The following TBX4 variants were observed in gnomAD, a reference collection of about 807,000 sequenced individuals.
The protein encoded by TBX4 is T-box transcription factor TBX4.
TBX4 carries 13 observed loss-of-function variants against 54.6 expected under a neutral mutation model. The observed-to-expected ratio is 0.24, with a 90% confidence interval of 0.15 to 0.38. The LOEUF is 0.38. TBX4 is among the 10% of genes least tolerant of loss of function. The probability of loss-of-function intolerance (pLI) is 1.00; values close to 1 mark genes in which losing one functional copy is unlikely to be tolerated. For synonymous variants in TBX4, 314 were observed against 306.7 expected (o/e 1.02, Z -0.25); for missense variants, 631 against 728.5 (o/e 0.87, Z 1.54).
At chr17:61,469,372 G>C (rs917649182) in intron 5 of TBX4, among the ~76,000 whole-genome samples, 1 of 152,218 alleles carries the variant, frequency 6.6e-6, no homozygotes, top group African/African-American at 2.4e-5. Flanking sequence ...GAGGCTGCTT[G>C]ATGGGCTTGT....
At position 61,480,268 on chromosome 17, in the gene TBX4, T is replaced by C. The variant is rs765917350; in HGVS notation, c.970T>C (p.Phe324Leu). Reference protein sequence around the residue: ...AEPQDLPLSTFPTQRDSSLFY... With the variant: ...AEPQDLPLSTLPTQRDSSLFY... ...GCCGCAGGACCTGCCCCTCAGCACC[T>C]TTCCCACCCAGAGGGACTCAAGCCT... Residue 324 changes from phenylalanine (F) to leucine (L), a missense_variant, in exon 8 of 9, where the codon TTT (phenylalanine) becomes CTT (leucine). Coordinates refer to ENST00000644296, the MANE Select transcript of TBX4 (RefSeq NM_001321120.2). The surrounding 1 kb of genome is among the most constrained non-coding windows in gnomAD (Gnocchi z 6.2). 1.2e-6 allele frequency: 2 copies of C among 1,613,966 alleles called. No homozygotes were observed. The highest frequency in any genetic ancestry group is 1.7e-6 in the Non-Finnish European group (2 of 1,179,990).
chr17:61,468,538 GTCCCAGCTCTGAAGCATAGT>G, intron 5 of TBX4, among the ~76,000 whole-genome samples: 1 of 152,250 alleles, frequency 6.6e-6, no homozygotes, highest in Middle Eastern at 3.4e-3. Context: ...CCGCTTTTAC[GTCCCAGCTCTGAAGCATAGT>G]TCCTATGGAA....
chr17:61,468,924 A>G (rs1453621634), intron 5 of TBX4, among the ~76,000 whole-genome samples: 2 of 151,960 alleles, frequency 1.3e-5, no homozygotes, highest in Admixed American at 6.6e-5. Flanking sequence ...CCAACTTCCT[A>G]TGCTTGGCCA....
chr17:61,477,438 C>T (rs919951279), intron 5 of TBX4, among the ~76,000 whole-genome samples: 1 of 152,236 alleles, frequency 6.6e-6, no homozygotes, highest in African/African-American at 2.4e-5. Flanking sequence ...CCGCCTCCCC[C>T]AGCCCACGGC....
rs1283893053 is a variant in TBX4 at position 61,481,940 on chromosome 17, T to C, written c.1022-957T>C. The C allele has an allele frequency of 6.6e-6, 1 of 152,268 alleles. No homozygotes were observed. Among genetic ancestry groups the C allele is most frequent in the Admixed American group, 6.5e-5 (1 of 15,292 alleles). 9.4% of individuals were successfully genotyped at this position (152,268 alleles called of 1,614,324 possible). ...TGCCACCATGCCCAGCTAATATTTGTATTTTTAGTAGAGATGGGGTTTCAC... is the reference window on the plus strand; with the variant it reads ...TGCCACCATGCCCAGCTAATATTTGCATTTTTAGTAGAGATGGGGTTTCAC... On this transcript the variant is annotated intron_variant, in intron 8 of 8. Transcript: ENST00000644296. The surrounding 1 kb of genome is among the most constrained non-coding windows in gnomAD (Gnocchi z 4.8).
rs1469933731 is a variant in TBX4 at position 61,464,630 on chromosome 17, G to A, written c.282-1189G>A. Among the ~76,000 whole-genome samples, 3 of 152,166 alleles carry A rather than the reference G, an allele frequency of 2.0e-5. No homozygotes were observed. Among genetic ancestry groups the A allele is most frequent in the African/African-American group, 7.2e-5 (3 of 41,428 alleles). On this transcript the variant is annotated intron_variant, in intron 3 of 8. Coordinates refer to ENST00000644296, the MANE Select transcript of TBX4 (RefSeq NM_001321120.2). The surrounding 1 kb of genome is among the most constrained non-coding windows in gnomAD (Gnocchi z 5.8). Reference sequence around the variant, plus strand: ...TAGGTTTGGATCCTGTTTCTCTTGGGGAACACCTTTGTGGAAGATCAGCTG... The same window carrying A: ...TAGGTTTGGATCCTGTTTCTCTTGGAGAACACCTTTGTGGAAGATCAGCTG...
In TBX4 at chr17:61,483,440, C is replaced by G. The variant is rs1423382385; in HGVS notation, c.1565C>G (p.Thr522Ser). The G allele has an allele frequency of 6.2e-6, 10 of 1,614,092 alleles. No homozygotes were observed. Among genetic ancestry groups the G allele is most frequent in the Admixed American group, 3.3e-5 (2 of 60,004 alleles). The change falls in exon 9 of 9, where the codon ACC becomes AGC. Residue 522 changes from threonine (T) to serine (S), a missense_variant. Coordinates refer to ENST00000644296, the MANE Select transcript of TBX4 (RefSeq NM_001321120.2). The surrounding 1 kb of genome is among the most constrained non-coding windows in gnomAD (Gnocchi z 6.6). Reference sequence around the variant, plus strand: ...GCCAATGAGTTTCTCTACTCTCAAACCTTCTCCTTGTCCCGAGAATCTTCC... The same window carrying G: ...GCCAATGAGTTTCTCTACTCTCAAAGCTTCTCCTTGTCCCGAGAATCTTCC... ...NAANEFLYSQTFSLSRESSLQ... is the reference protein window; with the variant it reads ...NAANEFLYSQSFSLSRESSLQ...
At chr17:61,453,330 A>T (rs941271368) in intron 1 of TBX4, among the ~76,000 whole-genome samples, 2 of 152,204 alleles carry the variant, frequency 1.3e-5, no homozygotes, top group African/African-American at 4.8e-5. Context: ...AACTGTAGGA[A>T]ACTAGCAAAC....
rs961056397 is a variant in TBX4 at position 61,472,849 on chromosome 17, C to T, written c.549+5192C>T. 6.6e-6 allele frequency among the ~76,000 whole-genome samples: 1 copy of T among 151,644 alleles called. No individual in the cohort carries two copies. The highest frequency in any genetic ancestry group is 1.5e-5 in the Non-Finnish European group (1 of 68,000). ...CCCAGCATCACTAATTGAGTTGTCC[C>T]CTTTCCTCCCCTGGTTGAGGTGCCT... On this transcript the variant is annotated intron_variant, in intron 5 of 8. Transcript: ENST00000644296. The surrounding 1 kb of genome is among the most constrained non-coding windows in gnomAD (Gnocchi z 4.5).
chr17:61,477,384 G>C (rs575655554), intron 5 of TBX4, among the ~76,000 whole-genome samples: 1 of 152,232 alleles, frequency 6.6e-6, no homozygotes, highest in African/African-American at 2.4e-5. Context: ...TCTGGCAGCC[G>C]CGCCTCCAGG....
intron 8 of TBX4, among the ~76,000 whole-genome samples, chr17:61,482,312 C>A (rs2060668688): frequency 6.6e-6 from 1 of 152,220 alleles, no homozygotes. Flanking sequence ...TTGGTAGACA[C>A]TGTGGTGTTG....
At position 61,461,870 on chromosome 17, in the gene TBX4, C is replaced by G. The variant is rs1036365288; in HGVS notation, c.282-3949C>G. Among the ~76,000 whole-genome samples the G allele has an allele frequency of 6.6e-6, 1 of 151,980 alleles. No homozygotes were observed. The highest frequency in any genetic ancestry group is 6.6e-5 in the Admixed American group (1 of 15,260). The stretch of plus-strand genomic sequence containing the variant: ...TGTTCCTGGAGTCCCCAGGGACCTC[C>G]GAGAAAGTCGGGGCTGCAGCGGGGT... On this transcript the variant is annotated intron_variant, in intron 3 of 8. Transcript: ENST00000644296. This position sits in a 1 kb window ranked among gnomAD's most constrained non-coding sequence, Gnocchi z 5.1.
chr17:61,483,659 C>A lies in TBX4; in HGVS notation c.*143C>A. 1.6e-6 allele frequency: 1 copy of A among 608,400 alleles called. No individual in the cohort carries two copies. The allele number at this position is 608,400 out of a possible 1,614,324, so 37.7% of individuals were successfully genotyped here. ...GTGTGTGTGTGTGTGTGTGTATACACGAGCATGTATGTATTTGGAGAGCAT... is the reference window on the plus strand; with the variant it reads ...GTGTGTGTGTGTGTGTGTGTATACAAGAGCATGTATGTATTTGGAGAGCAT... On this transcript the variant is annotated 3_prime_UTR_variant, in exon 9 of 9. Transcript: ENST00000644296. This position sits in a 1 kb window ranked among gnomAD's most constrained non-coding sequence, Gnocchi z 6.6.
rs2060525800 is a variant in TBX4 at position 61,465,182 on chromosome 17, A to C, written c.282-637A>C. ...CTTTCCCCTGATACTCAGGGTGCAC[A>C]GGTCCAGGTGAGGTGTTCACAGGGA... is the stretch of plus-strand genomic sequence containing the variant. On this transcript the variant is annotated intron_variant, in intron 3 of 8. Transcript: ENST00000644296. The surrounding 1 kb of genome is among the most constrained non-coding windows in gnomAD (Gnocchi z 4.9). 6.6e-6 allele frequency among the ~76,000 whole-genome samples: 1 copy of C among 152,166 alleles called. No homozygotes were observed. The highest frequency in any genetic ancestry group is 2.4e-5 in the African/African-American group (1 of 41,432).
chr17:61,468,346 A>G (rs2060550785), intron 5 of TBX4, among the ~76,000 whole-genome samples: 2 of 152,228 alleles, frequency 1.3e-5, no homozygotes, highest in African/African-American at 2.4e-5. Flanking sequence ...AGAGATTTTT[A>G]TGTGGAAATT....
chr17:61,455,288 G>A (rs1363324216), intron 1 of TBX4, among the ~76,000 whole-genome samples: 1 of 152,234 alleles, frequency 6.6e-6, no homozygotes, highest in East Asian at 1.9e-4. Context: ...GGGATGCTCC[G>A]GGAGGGCCCG....
In TBX4 at chr17:61,480,636, T is replaced by C. The variant is rs1346111129; in HGVS notation, c.1021+317T>C. Reference sequence around the variant, plus strand: ...GAGAGCCTCGTGGGGTGAGCTGGGCTCTGCCTGGAAGTGCAGGAAGAGGCT... The same window carrying C: ...GAGAGCCTCGTGGGGTGAGCTGGGCCCTGCCTGGAAGTGCAGGAAGAGGCT... On this transcript the variant is annotated intron_variant, in intron 8 of 8. Coordinates refer to ENST00000644296, the MANE Select transcript of TBX4 (RefSeq NM_001321120.2). The surrounding 1 kb of genome is among the most constrained non-coding windows in gnomAD (Gnocchi z 6.2). Among the ~76,000 whole-genome samples, 4 of 152,328 alleles carry C rather than the reference T, an allele frequency of 2.6e-5. No individual in the cohort carries two copies. The highest frequency in any genetic ancestry group is 2.0e-4 in the Admixed American group (3 of 15,304).
rs1296187780 is a variant in TBX4 at position 61,459,674 on chromosome 17, T to C, written c.281+2043T>C. 6.6e-6 allele frequency among the ~76,000 whole-genome samples: 1 copy of C among 152,226 alleles called. No individual in the cohort carries two copies. The highest frequency in any genetic ancestry group is 1.5e-5 in the Non-Finnish European group (1 of 68,042). ...GCCAGCTTCAGGCAGATGTTTGTGC[T>C]TGATCCTAGTTGAGGCTTAGAGATG... On this transcript the variant is annotated intron_variant, in intron 3 of 8. Transcript: ENST00000644296. The surrounding 1 kb of genome is among the most constrained non-coding windows in gnomAD (Gnocchi z 4.8).
At position 61,479,843 on chromosome 17, in the gene TBX4, G is replaced by A; in HGVS notation, c.703-38G>A. The A allele has an allele frequency of 6.3e-7, 1 of 1,593,128 alleles. No homozygotes were observed. The highest frequency in any genetic ancestry group is 8.6e-7 in the Non-Finnish European group (1 of 1,160,846). On this transcript the variant is annotated intron_variant, in intron 6 of 8. Transcript: ENST00000644296. The surrounding 1 kb of genome is among the most constrained non-coding windows in gnomAD (Gnocchi z 6.1). ...TGTGGAAACTGAGACACATTTGTGT[G>A]CCTCACACTGGTGACCCTATGTGTT...
Sources: gnomAD v4.1 joint callset for allele counts (sites outside exome capture counted in the v4.1 genomes callset) on GRCh38, gnomAD v4.1.1 for gene constraint, Gnocchi (gnomAD v3.1) non-coding constraint, MANE v1.5 for transcripts, NCBI Gene and HGNC (gene_info 2026-07-23, HGNC 2026-07-21) for gene names.